Variants in GLB1L observed in about 807,000 individuals in gnomAD.
GLB1L encodes the protein beta-galactosidase-1-like protein.
Under a neutral mutation model 75.7 loss-of-function variants are expected in GLB1L, and 58 were observed. The observed-to-expected ratio is 0.77, with a 90% CI of 0.62 to 0.95. The LOEUF (loss-of-function observed/expected upper bound fraction) is 0.95, where lower values mean the gene tolerates loss of function less well. Among genes scored for constraint, GLB1L ranks in the 40% least tolerant of loss-of-function variants. The pLI, the probability that GLB1L is intolerant of heterozygous loss-of-function variation, is 0.00. For missense variants in GLB1L, 797 were observed against 805.5 expected (o/e 0.99, Z 0.13); for synonymous variants, 296 against 303.0 (o/e 0.98, Z 0.24).
Position 219,238,491 on chromosome 2 carries a change from T to C in GLB1L, c.1227+4A>G, listed in dbSNP as rs1574862799. The stretch of plus-strand genomic sequence containing the variant: ...TCTCCACCAGATGTGGGTTTATGCC[T>C]TACCTGCTTGACAGCCTCAAAGGTC... On this transcript the variant is annotated splice_donor_region_variant and intron_variant, in intron 13 of 16. Transcript: ENST00000295759. 6.2e-7 allele frequency: 1 copy of C among 1,613,348 alleles called. No individual in the cohort carries two copies. Among genetic ancestry groups the C allele is most frequent in the Non-Finnish European group, 8.5e-7 (1 of 1,179,366 alleles).
chr2:219,243,335 T>C (rs1401863394), intron 2 of GLB1L, 21 bp from the exon 3 acceptor site: 9 of 1,589,744 alleles, frequency 5.7e-6, no homozygotes, highest in Non-Finnish European at 7.7e-6. Flanking sequence ...AAAGAGACGC[T>C]GCTCAGCAGA....
At chr2:219,243,475 G>A (rs780527459) in intron 2 of GLB1L, 27 bp downstream of exon 2, 1 of 1,613,256 alleles carries the variant, frequency 6.2e-7, no homozygotes, top group Admixed American at 1.7e-5. Context: ...ACCGCACCCG[G>A]CAGGCTGGTT....
In GLB1L at chr2:219,240,251, G is replaced by A. The variant is rs751276526; in HGVS notation, c.486C>T (p.Val162=). ...GCCATGGATATATCTTGGGCAGCAA[G>A]ACCTTGAACCAGGAGTCCACTGCGG... ...FLAAVDSWFK[V]LLPKIYPWLY... The change falls in exon 6 of 17, where the codon GTC becomes GTT. Residue 162 remains valine, a synonymous_variant. Transcript: ENST00000295759. 1.2e-6 allele frequency: 2 copies of A among 1,614,216 alleles called. No individual in the cohort carries two copies. The highest frequency in any genetic ancestry group is 1.7e-6 in the Non-Finnish European group (2 of 1,180,034).
In GLB1L at chr2:219,236,760, CTTT is replaced by C. The variant is rs5838728; in HGVS notation, c.*309_*311del. On this transcript the variant is annotated 3_prime_UTR_variant, in exon 17 of 17. Transcript: ENST00000295759. ...CTCCATGTCCCAGGTCCAAGGGTTA[CTTT>C]TTTTTTTTTTTTTTTTTTTGAGATG... 2.0e-3 allele frequency: 256 copies of C among 125,528 alleles called. No homozygotes were observed. The highest frequency in any genetic ancestry group is 4.7e-3 in the South Asian group (26 of 5,526). The allele number at this position is 125,528 out of a possible 1,614,324, so 7.8% of individuals were successfully genotyped here.
intron 11 of GLB1L, 148 bp downstream of exon 11, chr2:219,238,944 G>T: frequency 1.2e-6 from 1 of 820,042 alleles, no homozygotes; most frequent in Non-Finnish European, 2.0e-6. Context: ...AGTCCCATTT[G>T]GTTGAATGGG....
rs1382396720 is a variant in GLB1L at position 219,241,436 on chromosome 2, G to GTATATATATATA, written c.451+1077_451+1078insTATATATATATA. On this transcript the variant is annotated intron_variant, in intron 5 of 16. Coordinates refer to ENST00000295759, the MANE Select transcript of GLB1L (RefSeq NM_001286423.2). Reference sequence around the variant, plus strand: ...TATGTGTGTGTGTGTGTGTGTGTGTGTGTGTGTATATATATATATATATAT... The same window carrying GTATATATATATA: ...TATGTGTGTGTGTGTGTGTGTGTGTGTATATATATATATGTGTGTATATATATATATATATAT... Among the ~76,000 whole-genome samples, 526 of 84,124 alleles carry GTATATATATATA rather than the reference G, an allele frequency of 6.3e-3. 7 individuals carry two copies. Among genetic ancestry groups the GTATATATATATA allele is most frequent in the East Asian group, 0.054 (95 of 1,754 alleles). The allele number at this position is 84,124 out of a possible 152,430, so 55.2% of individuals were successfully genotyped here.
At position 219,239,410 on chromosome 2, in the gene GLB1L, C is replaced by T. The variant is rs1425242406; in HGVS notation, c.943+1G>A. On this transcript the variant is annotated splice_donor_variant, in intron 10 of 16. Coordinates refer to ENST00000295759, the MANE Select transcript of GLB1L (RefSeq NM_001286423.2). LOFTEE classifies it high-confidence loss of function. ...CTATCCCAGGGACCATCTGGACTCA[C>T]CATTCCAATATCCAAAGTTGGTACC... 6 of 1,597,620 alleles carry T rather than the reference C, an allele frequency of 3.8e-6. No individual in the cohort carries two copies. The highest frequency in any genetic ancestry group is 5.1e-6 in the Non-Finnish European group (6 of 1,171,080).
intron 10 of GLB1L, 30 bp from the exon 11 acceptor site, chr2:219,239,240 C>T: frequency 6.4e-7 from 1 of 1,568,968 alleles, no homozygotes; most frequent in Non-Finnish European, 8.8e-7. Context: ...ATTAATTCAA[C>T]ATGTATTTCA....
In GLB1L at chr2:219,243,358, G is replaced by T. The variant is rs915337340; in HGVS notation, c.73-44C>A. The T allele has an allele frequency of 2.5e-6, 4 of 1,591,262 alleles. No individual in the cohort carries two copies. The Admixed American group carries it at 6.8e-5, about 27-fold the overall frequency. On this transcript the variant is annotated intron_variant, in intron 2 of 16. Transcript: ENST00000295759. ...GCTGCTCAGCAGACGCCTGGAGGGA[G>T]CGTCGAGGGTCAGCGCCTGCCAAGA... is the stretch of plus-strand genomic sequence containing the variant.
intron 10 of GLB1L, 60 bp downstream of exon 10, chr2:219,239,351 C>T: frequency 9.8e-6 from 15 of 1,535,138 alleles, no homozygotes; most frequent in Non-Finnish European, 1.3e-5. Flanking sequence ...TCCACCTGGC[C>T]CTTAGATTCT....
rs1249834476 is a variant in GLB1L at position 219,239,540 on chromosome 2, GC to G, written c.902+20del. 1.9e-6 allele frequency: 3 copies of G among 1,614,070 alleles called. No individual in the cohort carries two copies. The South Asian group carries it at 3.3e-5, about 18-fold the overall frequency. On this transcript the variant is annotated intron_variant, in intron 9 of 16. Transcript: ENST00000295759. ...CAGCTCCCAGCTACAGATTCATATT[GC>G]CCCCAGTGTCTTTACTTACATGTTC... is the stretch of plus-strand genomic sequence containing the variant.
rs755633610 is a variant in GLB1L, at chr2:219,240,210, C to T, written c.527G>A (p.Gly176Asp). 11 of 1,613,974 alleles carry T rather than the reference C, an allele frequency of 6.8e-6. No homozygotes were observed. The highest frequency in any genetic ancestry group is 9.3e-6 in the Non-Finnish European group (11 of 1,179,938). ...TTGTACCTGAATGCTAATGATGTTG[C>T]CCCCATTGTGATAAAGCCATGGATA... ...KIYPWLYHNG[G>D]NIISIQVENE... is the part of the protein sequence containing the mutation. Residue 176 changes from glycine (G) to aspartate (D), a missense_variant, in exon 6 of 17, where the codon GGC (glycine) becomes GAC (aspartate). Coordinates refer to ENST00000295759, the MANE Select transcript of GLB1L (RefSeq NM_001286423.2).
Position 219,238,302 on chromosome 2 carries a change from A to G in GLB1L, c.1289T>C (p.Phe430Ser). The change falls in exon 14 of 17, where the codon TTC becomes TCC. Residue 430 changes from phenylalanine (F) to serine (S), a missense_variant. By Grantham distance (155) the Phe-to-Ser change is radical. Transcript: ENST00000295759. ...ATGGACTCCATTATTTGGCACCCAG[A>G]ATGGTGTTGGCTCAAAAATGGTATG... ...MTHTIFEPTP[F>S]WVPNNGVHDR... The G allele has an allele frequency of 1.9e-6, 3 of 1,613,186 alleles. No homozygotes were observed. The highest frequency in any genetic ancestry group is 2.5e-6 in the Non-Finnish European group (3 of 1,179,420).
chr2:219,237,592 C>T lies in GLB1L; in HGVS notation c.1609G>A (p.Gly537Ser). The T allele has an allele frequency of 6.2e-7, 1 of 1,614,152 alleles. No homozygotes were observed. Among genetic ancestry groups the T allele is most frequent in the Non-Finnish European group, 8.5e-7 (1 of 1,180,022 alleles). Reference sequence around the variant, plus strand: ...AATGTTTTGGAGTAGAATGTGGGGCCAGAAGGAGCTTGAGGATATGGCCAT... The same window carrying T: ...AATGTTTTGGAGTAGAATGTGGGGCTAGAAGGAGCTTGAGGATATGGCCAT... ...PKWPYPQAPS[G>S]PTFYSKTFPI... The change falls in exon 16 of 17, where the codon GGC becomes AGC. Residue 537 changes from glycine to serine, a missense_variant. Physicochemically the swap from Gly to Ser is moderately conservative, Grantham distance 56. Coordinates refer to ENST00000295759, the MANE Select transcript of GLB1L (RefSeq NM_001286423.2).
chr2:219,241,495 G>A (rs1473458244), intron 5 of GLB1L, among the ~76,000 whole-genome samples: 1 of 144,914 alleles, frequency 6.9e-6, no homozygotes, highest in East Asian at 2.1e-4. Context: ...TATAGAGAGA[G>A]CGAGAGAGAG....
intron 5 of GLB1L, 54 bp from the exon 6 acceptor site, chr2:219,240,339 C>G: frequency 7.4e-7 from 1 of 1,358,556 alleles, no homozygotes; most frequent in Non-Finnish European, 1.1e-6. Context: ...ACTTGCTCAC[C>G]ACTAAATATG....
intron 10 of GLB1L, 48 bp from the exon 11 acceptor site, chr2:219,239,258 G>A (rs757620758): frequency 2.3e-5 from 36 of 1,534,138 alleles, no homozygotes; most frequent in Non-Finnish European, 3.2e-5. Flanking sequence ...TCAGATGACA[G>A]GCACTACTAA....
In GLB1L at chr2:219,237,166, A is replaced by C. The variant is rs746984049; in HGVS notation, c.1871T>G (p.Leu624Arg). 2 of 1,614,092 alleles carry C rather than the reference A, an allele frequency of 1.2e-6. No individual in the cohort carries two copies. The highest frequency in any genetic ancestry group is 2.2e-5 in the East Asian group (1 of 44,880). ...CCTGTGCAAAGTACTAGTGCTATTGAGGATAGGCTTATCCAAAAATTGGAC... is the reference window on the plus strand; with the variant it reads ...CCTGTGCAAAGTACTAGTGCTATTGCGGATAGGCTTATCCAAAAATTGGAC... ...PQVQFLDKPILNSTSTLHRTH... is the reference protein window; with the variant it reads ...PQVQFLDKPIRNSTSTLHRTH... Residue 624 changes from leucine (L) to arginine (R), a missense_variant, in exon 17 of 17, where the codon CTC becomes CGC. Physicochemically the swap from Leu to Arg is moderately radical, Grantham distance 102 (BLOSUM62 -2). Transcript: ENST00000295759.
In GLB1L at chr2:219,243,096, C is replaced by T. The variant is rs908795112; in HGVS notation, c.239+52G>A. On this transcript the variant is annotated intron_variant, in intron 3 of 16. Transcript: ENST00000295759. Reference sequence around the variant, plus strand: ...TGTCCCGACCTTCTTTATAAGGGGGCGGTAGAAAAAGTAGATCCCATCCCT... The same window carrying T: ...TGTCCCGACCTTCTTTATAAGGGGGTGGTAGAAAAAGTAGATCCCATCCCT... 3 of 1,558,938 alleles carry T rather than the reference C, an allele frequency of 1.9e-6. No homozygotes were observed. In the African/African-American group the frequency reaches 4.1e-5, roughly 21 times the overall value.
Sources: gnomAD v4.1 joint callset for allele counts (sites outside exome capture counted in the v4.1 genomes callset) on GRCh38, gnomAD v4.1.1 for gene constraint, MANE v1.5 for transcripts, NCBI Gene and HGNC (gene_info 2026-07-23, HGNC 2026-07-21) for gene names.